The following TCF7L2 variants were observed in gnomAD, a reference collection of about 807,000 sequenced individuals.
TCF7L2 encodes transcription factor 7-like 2.
A neutral mutation model predicts 77.9 loss-of-function variants in TCF7L2; 23 were observed. That is an observed-to-expected ratio of 0.30 (90% CI 0.21 to 0.42). TCF7L2 has a LOEUF of 0.42. Among genes scored for constraint, TCF7L2 ranks in the 10% least tolerant of loss-of-function variants. The probability of loss-of-function intolerance (pLI) is 1.00; values close to 1 mark genes in which losing one functional copy is unlikely to be tolerated. For missense variants in TCF7L2, 654 were observed against 793.1 expected, an observed-to-expected ratio of 0.82 and a Z score of 2.11; for synonymous variants, 413 against 340.2, an observed-to-expected ratio of 1.21 and a Z score of -2.36.
chr10:112,987,147 C>T (rs1257184709), intron 4 of TCF7L2, among the ~76,000 whole-genome samples: 1 of 152,040 alleles, frequency 6.6e-6, no homozygotes, highest in Admixed American at 6.6e-5. Context: ...AAGAACTATT[C>T]GAGATACACT....
At chr10:113,007,443 C>A in intron 4 of TCF7L2, among the ~76,000 whole-genome samples, 1 of 152,214 alleles carries the variant, frequency 6.6e-6, no homozygotes, top group East Asian at 1.9e-4. Flanking sequence ...TTGGGACTTC[C>A]CCTCACCACA....
chr10:113,036,668 C>CTT (rs927236401), intron 4 of TCF7L2, among the ~76,000 whole-genome samples: 3 of 150,918 alleles, frequency 2.0e-5, no homozygotes, highest in African/African-American at 7.4e-5. Flanking sequence ...AGATGGCCTT[C>CTT]TTTCTTTCTT....
At chr10:113,118,520 G>GGTGTGTGTGTGTGTGTGTGTGT (rs34806588) in intron 5 of TCF7L2, among the ~76,000 whole-genome samples, 1 of 141,442 alleles carries the variant, frequency 7.1e-6, no homozygotes, top group Non-Finnish European at 1.5e-5. Context: ...TCATCTGGGG[G>GGTGTGTGTGTGTGTGTGTGTGT]GTGTGTGTGT....
chr10:113,101,841 T>TAAAAAAAAAAAA (rs1564895980), intron 5 of TCF7L2, among the ~76,000 whole-genome samples: 1 of 5,684 alleles, frequency 1.8e-4, no homozygotes, highest in African/African-American at 1.2e-3. Context: ...AGACTCCGTC[T>TAAAAAAAAAAAA]CAAAAAAAAA....
intron 3 of TCF7L2, among the ~76,000 whole-genome samples, chr10:112,958,268 A>G (rs2134392558): frequency 6.6e-6 from 1 of 152,344 alleles, no homozygotes; most frequent in African/African-American, 2.4e-5. Flanking sequence ...AATGGCCAGG[A>G]GTGGCATCAG....
intron 3 of TCF7L2, among the ~76,000 whole-genome samples, chr10:112,955,926 G>T (rs1420906222): frequency 6.6e-6 from 1 of 151,182 alleles, no homozygotes; most frequent in East Asian, 2.0e-4. Context: ...GTCTTTCCAG[G>T]TTTCGAATGC....
rs149682235 is a variant in TCF7L2, at chr10:113,024,548, C to T, written c.451-15477C>T. 9.1e-3 allele frequency among the ~76,000 whole-genome samples: 1,365 copies of T among 150,476 alleles called. 17 individuals are homozygous for T. Among genetic ancestry groups the T allele is most frequent in the African/African-American group, 0.032 (1,295 of 40,998 alleles). The stretch of plus-strand genomic sequence containing the variant: ...TCAGATTTTGGAATATTCGCATATA[C>T]ATAATGAGATATCCTGGGGATGGGA... On this transcript the variant is annotated intron_variant, in intron 4 of 13. Transcript: ENST00000627217.
intron 5 of TCF7L2, among the ~76,000 whole-genome samples, chr10:113,066,490 A>G (rs2057284344): frequency 1.3e-5 from 2 of 152,264 alleles, no homozygotes; most frequent in Admixed American, 1.3e-4. Flanking sequence ...AAATGTAGAA[A>G]CAATGCGAGT....
intron 3 of TCF7L2, 67 bp downstream of exon 3, chr10:112,951,674 T>G (rs1381507636): frequency 1.2e-4 from 106 of 873,588 alleles, no homozygotes; most frequent in Non-Finnish European, 1.3e-4. Flanking sequence ...GGGCCCCGCA[T>G]GCGGCCCCTG....
intron 4 of TCF7L2, among the ~76,000 whole-genome samples, chr10:112,997,705 C>G (rs1239616662): frequency 6.6e-6 from 1 of 152,154 alleles, no homozygotes; most frequent in African/African-American, 2.4e-5. Flanking sequence ...ATTCGTCCTG[C>G]CTTCCTTCTG....
chr10:113,074,791 G>T (rs1376902298), intron 5 of TCF7L2, among the ~76,000 whole-genome samples: 2 of 152,148 alleles, frequency 1.3e-5, no homozygotes, highest in African/African-American at 4.8e-5. Context: ...GGGCAATTTT[G>T]TTCCCCAGGA....
intron 5 of TCF7L2, among the ~76,000 whole-genome samples, chr10:113,106,958 C>A (rs558923048): frequency 6.6e-6 from 1 of 152,284 alleles, no homozygotes; most frequent in South Asian, 2.1e-4. Flanking sequence ...TCAGGACCAC[C>A]CTGACTGAGT....
rs115567162 is a variant in TCF7L2 at position 113,140,765 on chromosome 10, T to C, written c.553-419T>C. The stretch of plus-strand genomic sequence containing the variant: ...AGTTTCTTGTAAGTGGTGGTTTTCC[T>C]AGATGGTCCCCTGTGCAGCCTGCGT... On this transcript the variant is annotated intron_variant, in intron 5 of 13. Coordinates refer to ENST00000627217, the MANE Select transcript of TCF7L2 (RefSeq NM_001146274.2). Among the ~76,000 whole-genome samples the C allele has an allele frequency of 5.1e-3, 780 of 152,210 alleles. 6 individuals carry two copies. Among genetic ancestry groups the C allele is most frequent in the African/African-American group, 0.017 (724 of 41,540 alleles).
chr10:113,105,842 A>C (rs531308860), intron 5 of TCF7L2, among the ~76,000 whole-genome samples: 4 of 152,368 alleles, frequency 2.6e-5, no homozygotes, highest in East Asian at 3.9e-4. Context: ...TGTTTAGAAT[A>C]GAGCAAACGG....
In TCF7L2 at chr10:113,040,169, G is replaced by T. The variant is rs202073111; in HGVS notation, c.552+43G>T. ...GATGATGGCTTCCTTTATTGAGGGG[G>T]TGAAAAAGAAAATGCTTTTTTGATG... is the stretch of plus-strand genomic sequence containing the variant. On this transcript the variant is annotated intron_variant, in intron 5 of 13. Transcript: ENST00000627217. 20 of 1,561,672 alleles carry T rather than the reference G, an allele frequency of 1.3e-5. No individual in the cohort carries two copies. The East Asian group carries it at 3.8e-4, about 30-fold the overall frequency.
At position 113,077,955 on chromosome 10, in the gene TCF7L2, A is replaced by T. The variant is rs2058896872; in HGVS notation, c.552+37829A>T. 2.0e-5 allele frequency among the ~76,000 whole-genome samples: 3 copies of T among 151,204 alleles called. No homozygotes were observed. In the South Asian group the frequency reaches 6.3e-4, roughly 32 times the overall value. On this transcript the variant is annotated intron_variant, in intron 5 of 13. Coordinates refer to ENST00000627217, the MANE Select transcript of TCF7L2 (RefSeq NM_001146274.2). ...TTCACCATGTTGGCTAGGCTGGTGT[A>T]GAACTCCTGACCTCAAGTGATCTGC... is the stretch of plus-strand genomic sequence containing the variant.
At chr10:112,951,174 C>T (rs1211158941) in intron 1 of TCF7L2, 33 bp from the exon 2 acceptor site, 11 of 1,564,222 alleles carry the variant, frequency 7.0e-6, no homozygotes, top group Non-Finnish European at 9.5e-6. Context: ...GGCGTTTGCC[C>T]CTCGCCCTCC....
intron 13 of TCF7L2, among the ~76,000 whole-genome samples, chr10:113,163,784 G>A (rs1047564150): frequency 6.6e-6 from 1 of 152,024 alleles, no homozygotes; most frequent in Admixed American, 6.5e-5. Flanking sequence ...ATGAATCTCA[G>A]CCTCTGGGAG....
chr10:112,978,533 T>G (rs1057226065), intron 4 of TCF7L2, among the ~76,000 whole-genome samples: 3 of 151,742 alleles, frequency 2.0e-5, no homozygotes, highest in Non-Finnish European at 2.9e-5. Flanking sequence ...TGGTGCGATC[T>G]CGGCTCAGTG....
Sources: gnomAD v4.1 joint callset for allele counts (sites outside exome capture counted in the v4.1 genomes callset) on GRCh38, gnomAD v4.1.1 for gene constraint, MANE v1.5 for transcripts, NCBI Gene and HGNC (gene_info 2026-07-23, HGNC 2026-07-21) for gene names.